The following MEGF11 variants were observed in gnomAD, a reference collection of about 807,000 sequenced individuals.
MEGF11 encodes the protein multiple epidermal growth factor-like domains protein 11.
Under a neutral mutation model 146.6 loss-of-function variants are expected in MEGF11, and 126 were observed. The observed-to-expected ratio is 0.86, with a 90% confidence interval of 0.74 to 1.00. The LOEUF (loss-of-function observed/expected upper bound fraction) is 1.00, where lower values mean the gene tolerates loss of function less well. MEGF11 is among the 50% of genes least tolerant of loss of function. The pLI is 0.00. For missense variants in MEGF11, 1,509 were observed against 1,521.2 expected (o/e 0.99, Z 0.13); for synonymous variants, 532 against 583.4 (o/e 0.91, Z 1.27).
intron 1 of MEGF11, among the ~76,000 whole-genome samples, chr15:66,136,219 CAA>C (rs1000161968): frequency 5.3e-5 from 8 of 152,236 alleles, no homozygotes; most frequent in African/African-American, 1.4e-4. Flanking sequence ...TGGTGCCCTG[CAA>C]ACTGCAGCCC....
intron 5 of MEGF11, among the ~76,000 whole-genome samples, chr15:66,054,467 G>A (rs536955081): frequency 6.6e-6 from 1 of 152,154 alleles, no homozygotes; most frequent in Non-Finnish European, 1.5e-5. Context: ...TGAATGTGCT[G>A]CTCCCACTGC....
At chr15:66,008,562 G>A (rs2082602030) in intron 5 of MEGF11, among the ~76,000 whole-genome samples, 1 of 152,138 alleles carries the variant, frequency 6.6e-6, no homozygotes, top group African/African-American at 2.4e-5. Flanking sequence ...GGTGGTTCAT[G>A]CCTATAATCC....
chr15:65,918,590 C>A (rs1431291939), intron 15 of MEGF11, among the ~76,000 whole-genome samples: 2 of 152,374 alleles, frequency 1.3e-5, no homozygotes, highest in East Asian at 3.9e-4. Flanking sequence ...AAAGGACCAG[C>A]CCTGAATGTC....
At chr15:66,102,217 C>G (rs148636713) in intron 4 of MEGF11, among the ~76,000 whole-genome samples, 1 of 1,894 alleles carries the variant, frequency 5.3e-4, no homozygotes, top group East Asian at 0.12. Flanking sequence ...TTTTCTCGGC[C>G]GAGCTGTTCG....
chr15:65,964,831 G>T (rs1182699053), intron 9 of MEGF11, 77 bp downstream of exon 9: 47 of 1,360,308 alleles, frequency 3.5e-5, no homozygotes, highest in Non-Finnish European at 2.8e-5. Flanking sequence ...GAGGTGGGGG[G>T]CCACATCCTA....
At chr15:65,902,942 T>TA (rs1260055351) in intron 24 of MEGF11, among the ~76,000 whole-genome samples, 2 of 152,194 alleles carry the variant, frequency 1.3e-5, no homozygotes, top group Non-Finnish European at 2.9e-5. Context: ...AGGTGCATGC[T>TA]AACCTCCACT....
intron 5 of MEGF11, among the ~76,000 whole-genome samples, chr15:65,996,707 A>G (rs2082211792): frequency 6.6e-6 from 1 of 152,048 alleles, no homozygotes; most frequent in African/African-American, 2.4e-5. Flanking sequence ...GCTGGTCTCA[A>G]ACTCCTAACC....
At chr15:66,010,950 G>T (rs1161163449) in intron 5 of MEGF11, among the ~76,000 whole-genome samples, 1 of 152,230 alleles carries the variant, frequency 6.6e-6, no homozygotes, top group Non-Finnish European at 1.5e-5. Context: ...GGGCACAGGT[G>T]CTGGGAGGGA....
chr15:66,007,353 C>G (rs549297653), intron 5 of MEGF11, among the ~76,000 whole-genome samples: 1 of 152,180 alleles, frequency 6.6e-6, no homozygotes, highest in South Asian at 2.1e-4. Flanking sequence ...TGAAATGGCT[C>G]CCCCTCAATT....
intron 1 of MEGF11, among the ~76,000 whole-genome samples, chr15:66,251,820 G>A (rs2092374491): frequency 6.6e-6 from 1 of 152,200 alleles, no homozygotes; most frequent in Admixed American, 6.5e-5. Flanking sequence ...GGGAGGAAGT[G>A]GCGAGATTGC....
At chr15:66,190,989 T>C (rs1311748651) in intron 1 of MEGF11, among the ~76,000 whole-genome samples, 1 of 21,402 alleles carries the variant, frequency 4.7e-5, no homozygotes, top group African/African-American at 4.5e-4. Context: ...CAGGGGAGAC[T>C]ATTACAACAC....
Position 65,912,333 on chromosome 15 carries a change from A to G in MEGF11, c.2711-133T>C, listed in dbSNP as rs546273585. 196 of 463,846 alleles carry G rather than the reference A, an allele frequency of 4.2e-4. 2 individuals carry two copies. The highest frequency in any genetic ancestry group is 3.4e-3 in the African/African-American group (170 of 49,810). 28.7% of individuals were successfully genotyped at this position (463,846 alleles called of 1,614,324 possible). On this transcript the variant is annotated intron_variant, in intron 20 of 25. Coordinates refer to ENST00000395614, the MANE Select transcript of MEGF11 (RefSeq NM_001385028.1). ...AAACAGGCAAGTACCCCATCCCCCA[A>G]GCTTCCTGGCATCCACTACTCCTAC...
chr15:66,072,028 A>T (rs776352774), intron 5 of MEGF11, among the ~76,000 whole-genome samples: 8 of 152,210 alleles, frequency 5.3e-5, no homozygotes, highest in Non-Finnish European at 1.2e-4. Flanking sequence ...TTCCCTGCTC[A>T]TCCAGGCAGG....
intron 5 of MEGF11, among the ~76,000 whole-genome samples, chr15:66,055,134 G>A (rs116514558): frequency 4.6e-5 from 7 of 152,246 alleles, no homozygotes; most frequent in African/African-American, 1.2e-4. Context: ...CAATTCCACC[G>A]GCAAGTGCTC....
chr15:66,162,330 A>G (rs1408629039), intron 1 of MEGF11, among the ~76,000 whole-genome samples: 1 of 152,216 alleles, frequency 6.6e-6, no homozygotes, highest in African/African-American at 2.4e-5. Flanking sequence ...TCCAATGTTA[A>G]ATTTTATGTG....
At chr15:66,039,702 C>T (rs1255944209) in intron 5 of MEGF11, among the ~76,000 whole-genome samples, 4 of 152,150 alleles carry the variant, frequency 2.6e-5, no homozygotes, top group East Asian at 1.9e-4. Context: ...TCTCAAAGCC[C>T]GGCACCTCCA....
intron 5 of MEGF11, among the ~76,000 whole-genome samples, chr15:66,065,414 C>T (rs1343602787): frequency 1.3e-5 from 2 of 152,150 alleles, no homozygotes; most frequent in East Asian, 3.8e-4. Context: ...TGGGATGCCA[C>T]CCCCTGCACT....
At chr15:66,022,767 G>A (rs1388825890) in intron 5 of MEGF11, among the ~76,000 whole-genome samples, 1 of 151,578 alleles carries the variant, frequency 6.6e-6, no homozygotes, top group Non-Finnish European at 1.5e-5. Flanking sequence ...GGTTGGGGGT[G>A]GAGGGTGGGG....
At chr15:66,213,786 A>G (rs937740963) in intron 1 of MEGF11, among the ~76,000 whole-genome samples, 2 of 151,990 alleles carry the variant, frequency 1.3e-5, no homozygotes, top group African/African-American at 4.8e-5. Flanking sequence ...AGTAGCTACA[A>G]CATTAGACAG....
Sources: gnomAD v4.1 joint callset for allele counts (sites outside exome capture counted in the v4.1 genomes callset) on GRCh38, gnomAD v4.1.1 for gene constraint, MANE v1.5 for transcripts, NCBI Gene and HGNC (gene_info 2026-07-23, HGNC 2026-07-21) for gene names.